The following CYP2C18 variants were observed in gnomAD, a reference collection of about 807,000 sequenced individuals.
The protein encoded by CYP2C18 is cytochrome P450 2C18.
Under a neutral mutation model 41.3 loss-of-function variants are expected in CYP2C18, and 38 were observed. The observed-to-expected ratio is 0.92, with a 90% confidence interval of 0.71 to 1.21. The LOEUF (loss-of-function observed/expected upper bound fraction) is 1.21, where lower values mean the gene tolerates loss of function less well. Ranked by LOEUF, CYP2C18 falls within the 50% of genes most tolerant of loss-of-function variation. CYP2C18 has a pLI of 0.00. For missense variants in CYP2C18, 635 were observed against 591.4 expected (o/e 1.07, Z -0.77); for synonymous variants, 236 against 210.0 (o/e 1.12, Z -1.07).
intron 8 of CYP2C18, among the ~76,000 whole-genome samples, chr10:94,734,871 A>C (rs1211094594): frequency 6.6e-6 from 1 of 152,184 alleles, no homozygotes; most frequent in African/African-American, 2.4e-5. Flanking sequence ...TCTTTGGCTA[A>C]ACATTGTGCC....
At chr10:94,691,107 T>G (rs547259514) in intron 3 of CYP2C18, among the ~76,000 whole-genome samples, 108 of 152,282 alleles carry the variant, frequency 7.1e-4, no homozygotes, top group African/African-American at 2.3e-3. Context: ...CTTTGAAAAC[T>G]GGCACAAGAC....
At chr10:94,699,926 T>A (rs1443368792) in intron 4 of CYP2C18, among the ~76,000 whole-genome samples, 2 of 152,134 alleles carry the variant, frequency 1.3e-5, no homozygotes, top group Admixed American at 6.5e-5. Context: ...CCAAGGGATG[T>A]GAAGGACCTC....
chr10:94,702,057 T>C (rs1328961186), intron 4 of CYP2C18, among the ~76,000 whole-genome samples: 1 of 152,252 alleles, frequency 6.6e-6, no homozygotes, highest in African/African-American at 2.4e-5. Flanking sequence ...TGTTGAATAG[T>C]GGCCCCCACT....
intron 3 of CYP2C18, among the ~76,000 whole-genome samples, chr10:94,692,186 A>C (rs1847013380): frequency 6.6e-6 from 1 of 152,196 alleles, no homozygotes. Flanking sequence ...GATCTAATTA[A>C]ACTAAAGAGC....
chr10:94,709,613 A>G (rs896009634), intron 5 of CYP2C18, among the ~76,000 whole-genome samples: 1 of 151,952 alleles, frequency 6.6e-6, no homozygotes, highest in African/African-American at 2.4e-5. Context: ...GTGAAATCCA[A>G]TTTATTTATT....
At chr10:94,691,613 G>C (rs1375441765) in intron 3 of CYP2C18, among the ~76,000 whole-genome samples, 1 of 152,150 alleles carries the variant, frequency 6.6e-6, no homozygotes, top group Admixed American at 6.6e-5. Context: ...GTAATTTATA[G>C]ATTCAATGTC....
chr10:94,698,500 T>C (rs1014588412), intron 4 of CYP2C18, among the ~76,000 whole-genome samples: 4 of 152,170 alleles, frequency 2.6e-5, no homozygotes, highest in African/African-American at 9.7e-5. Context: ...GGGAAATGTA[T>C]AGCACTAAAT....
intron 2 of CYP2C18, 38 bp downstream of exon 2, chr10:94,687,970 A>G (rs1294845485): frequency 1.9e-6 from 3 of 1,608,510 alleles, no homozygotes; most frequent in Admixed American, 3.3e-5. Context: ...GTACATGTGT[A>G]TGTACTGGGC....
chr10:94,724,869 T>C (rs915187443), intron 7 of CYP2C18, among the ~76,000 whole-genome samples: 58 of 152,152 alleles, frequency 3.8e-4, no homozygotes, highest in Non-Finnish European at 7.1e-4. Flanking sequence ...ATGATGACAT[T>C]AAATCTTTAG....
At chr10:94,686,548 G>C (rs944210444) in intron 1 of CYP2C18, among the ~76,000 whole-genome samples, 1 of 152,088 alleles carries the variant, frequency 6.6e-6, no homozygotes, top group Non-Finnish European at 1.5e-5. Context: ...TTAGCTGTGG[G>C]CTTGCCACAT....
chr10:94,727,377 G>A (rs547556372), intron 7 of CYP2C18, among the ~76,000 whole-genome samples: 16 of 152,138 alleles, frequency 1.1e-4, no homozygotes, highest in Non-Finnish European at 2.4e-4. Context: ...CTCTTTGGGA[G>A]GCCAAAGTGG....
At chr10:94,698,612 GC>G (rs1847169941) in intron 4 of CYP2C18, among the ~76,000 whole-genome samples, 1 of 152,018 alleles carries the variant, frequency 6.6e-6, no homozygotes, top group African/African-American at 2.4e-5. Flanking sequence ...CTAGCAGAAG[GC>G]AAGAAATAAC....
chr10:94,735,482 C>A lies in CYP2C18; in HGVS notation c.*38C>A. ...AGTTTGGCTGCTCCTGTGCTGTCAC[C>A]TGCAATTCTCCCTTATCAGGGCCAT... On this transcript the variant is annotated 3_prime_UTR_variant, in exon 9 of 9. Coordinates refer to ENST00000285979, the MANE Select transcript of CYP2C18 (RefSeq NM_000772.3). 1 of 1,601,704 alleles carries A rather than the reference C, an allele frequency of 6.2e-7. No homozygotes were observed. The highest frequency in any genetic ancestry group is 1.1e-5 in the South Asian group (1 of 90,742).
chr10:94,697,061 A>G (rs970301919), intron 4 of CYP2C18, among the ~76,000 whole-genome samples: 2 of 152,248 alleles, frequency 1.3e-5, no homozygotes, highest in Admixed American at 6.5e-5. Context: ...ACTCTGCACG[A>G]TATTATCCAG....
chr10:94,698,491 G>A (rs1443582230), intron 4 of CYP2C18, among the ~76,000 whole-genome samples: 2 of 152,154 alleles, frequency 1.3e-5, no homozygotes, highest in Admixed American at 6.6e-5. Context: ...GTGTGTAGAG[G>A]GAAATGTATA....
chr10:94,705,999 C>T (rs1190929769), intron 4 of CYP2C18, among the ~76,000 whole-genome samples: 1 of 152,144 alleles, frequency 6.6e-6, no homozygotes, highest in Non-Finnish European at 1.5e-5. Context: ...TCCTCTAATT[C>T]ACACCTAGAG....
At chr10:94,691,835 A>C (rs1222894367) in intron 3 of CYP2C18, among the ~76,000 whole-genome samples, 1 of 152,202 alleles carries the variant, frequency 6.6e-6, no homozygotes, top group East Asian at 1.9e-4. Flanking sequence ...GATATAGACC[A>C]ATGGAACAGA....
chr10:94,700,981 G>A (rs1452776769), intron 4 of CYP2C18, among the ~76,000 whole-genome samples: 1 of 152,208 alleles, frequency 6.6e-6, no homozygotes, highest in Non-Finnish European at 1.5e-5. Context: ...AGGTGCTGGA[G>A]AGGATATGGA....
intron 8 of CYP2C18, among the ~76,000 whole-genome samples, chr10:94,735,012 G>A (rs544113028): frequency 1.3e-5 from 2 of 152,142 alleles, no homozygotes; most frequent in Non-Finnish European, 2.9e-5. Context: ...GGAACACTTA[G>A]TGAAGTGCAT....
Sources: allele counts gnomAD v4.1 joint callset (sites outside exome capture counted in the v4.1 genomes callset), GRCh38; gene constraint gnomAD v4.1.1; transcripts MANE v1.5; gene names NCBI Gene and HGNC (gene_info 2026-07-23, HGNC 2026-07-21).